PRKN: variants seen among roughly 807,000 people sequenced by gnomAD.
PRKN encodes the protein parkin RBR E3 ubiquitin protein ligase, also known as E3 ubiquitin-protein ligase parkin.
In PRKN, 56 loss-of-function variants were observed where a neutral mutation model predicts 59.5. The ratio of observed to expected loss-of-function variants is 0.94; its 90% CI spans 0.76 to 1.18. The LOEUF (loss-of-function observed/expected upper bound fraction) is 1.18, where lower values mean the gene tolerates loss of function less well. Ranked by LOEUF, PRKN falls within the 50% of genes most tolerant of loss-of-function variation. The probability of loss-of-function intolerance (pLI) is 0.00; values close to 1 mark genes in which losing one functional copy is unlikely to be tolerated. For synonymous variants in PRKN, 250 were observed against 222.1 expected, an observed-to-expected ratio of 1.13 and a Z score of -1.12; for missense variants, 657 against 596.4, an observed-to-expected ratio of 1.10 and a Z score of -1.06.
At chr6:162,215,399 T>C (rs1208031212) in intron 3 of PRKN, among the ~76,000 whole-genome samples, 1 of 152,164 alleles carries the variant, frequency 6.6e-6, no homozygotes, top group Non-Finnish European at 1.5e-5. Flanking sequence ...TTAATCTCTG[T>C]GACAATATAA....
At chr6:161,536,709 A>G (rs889612528) in intron 9 of PRKN, among the ~76,000 whole-genome samples, 1 of 152,198 alleles carries the variant, frequency 6.6e-6, no homozygotes, top group Admixed American at 6.5e-5. Flanking sequence ...CTGATTATAC[A>G]TCAGTGACGT....
chr6:162,350,002 TG>T (rs1340118016), intron 2 of PRKN, among the ~76,000 whole-genome samples: 1 of 152,214 alleles, frequency 6.6e-6, no homozygotes. Context: ...TTAGCCAAGT[TG>T]GAAGAGAATA....
At chr6:161,663,858 G>A (rs947184152) in intron 7 of PRKN, among the ~76,000 whole-genome samples, 2 of 152,194 alleles carry the variant, frequency 1.3e-5, no homozygotes, top group Non-Finnish European at 2.9e-5. Flanking sequence ...ACCACGAGGA[G>A]CAGCCGCCGG....
At chr6:162,207,533 T>A (rs138166807) in intron 3 of PRKN, among the ~76,000 whole-genome samples, 1 of 152,140 alleles carries the variant, frequency 6.6e-6, no homozygotes, top group East Asian at 1.9e-4. Context: ...GGAAAGGTCA[T>A]GCAGCCAACC....
intron 9 of PRKN, among the ~76,000 whole-genome samples, chr6:161,528,634 G>A (rs1050742450): frequency 1.1e-4 from 16 of 152,104 alleles, no homozygotes; most frequent in African/African-American, 3.1e-4. Context: ...TACTTTTAAC[G>A]TCTGATTGCT....
At chr6:161,715,936 A>G in intron 7 of PRKN, 1 of 428,702 alleles carries the variant, frequency 2.3e-6, no homozygotes, top group South Asian at 1.7e-5. Flanking sequence ...TTAGAAACTC[A>G]AATTATGATA....
chr6:162,274,369 A>G (rs1182380124), intron 2 of PRKN, among the ~76,000 whole-genome samples: 1 of 151,932 alleles, frequency 6.6e-6, no homozygotes, highest in Non-Finnish European at 1.5e-5. Flanking sequence ...TGTATATGCC[A>G]TACAGACAGG....
At chr6:162,648,628 C>T (rs1050787665) in intron 1 of PRKN, among the ~76,000 whole-genome samples, 2 of 152,028 alleles carry the variant, frequency 1.3e-5, no homozygotes, top group African/African-American at 2.4e-5. Flanking sequence ...GTGATCCACC[C>T]GCCTCAGCCT....
At chr6:161,746,392 G>T (rs1788414407) in intron 7 of PRKN, among the ~76,000 whole-genome samples, 1 of 151,768 alleles carries the variant, frequency 6.6e-6, no homozygotes, top group Non-Finnish European at 1.5e-5. Context: ...ATAAGTAGGG[G>T]CTAATTGGCT....
intron 7 of PRKN, among the ~76,000 whole-genome samples, chr6:161,577,860 C>T (rs1781192019): frequency 6.6e-6 from 1 of 152,120 alleles, no homozygotes; most frequent in Non-Finnish European, 1.5e-5. Flanking sequence ...AAGAATCAGT[C>T]TCATTGATAA....
In PRKN at chr6:161,484,938, C is replaced by A. The variant is rs1005803743; in HGVS notation, c.1083+63916G>T. On this transcript the variant is annotated intron_variant, in intron 9 of 11. Transcript: ENST00000366898. This position sits in a 1 kb window ranked among gnomAD's most constrained non-coding sequence, Gnocchi z 4.9. The stretch of plus-strand genomic sequence containing the variant: ...TGCTCCTAACCACCTGCCTTTGCTG[C>A]CGCCGGCTTCCCCCTGCTTCTTTGA... 6.6e-6 allele frequency among the ~76,000 whole-genome samples: 1 copy of A among 152,194 alleles called. No individual in the cohort carries two copies. The highest frequency in any genetic ancestry group is 2.4e-5 in the African/African-American group (1 of 41,440).
rs1423228859 is a variant in PRKN at position 161,470,486 on chromosome 6, C to T, written c.1083+78368G>A. 6.6e-6 allele frequency among the ~76,000 whole-genome samples: 1 copy of T among 152,170 alleles called. No homozygotes were observed. The highest frequency in any genetic ancestry group is 2.4e-5 in the African/African-American group (1 of 41,438). On this transcript the variant is annotated intron_variant, in intron 9 of 11. Transcript: ENST00000366898. The surrounding 1 kb of genome is among the most constrained non-coding windows in gnomAD (Gnocchi z 5.1). ...CTGAGAGCAGGACACTCTGGATTAC[C>T]TGAGAAGCACTCCCAGTCTAACCCT... is the stretch of plus-strand genomic sequence containing the variant.
At position 162,525,518 on chromosome 6, in the gene PRKN, T is replaced by C. The variant is rs893269501; in HGVS notation, c.8-82045A>G. ...CGTGGCCTCATCTAAAGTCAGAAAT[T>C]GGCTCCATCTCCTCGACTCCCTCCC... On this transcript the variant is annotated intron_variant, in intron 1 of 11. Coordinates refer to ENST00000366898, the MANE Select transcript of PRKN (RefSeq NM_004562.3). 2.0e-5 allele frequency among the ~76,000 whole-genome samples: 3 copies of C among 152,180 alleles called. No homozygotes were observed. The East Asian group carries it at 5.8e-4, about 29-fold the overall frequency.
intron 2 of PRKN, among the ~76,000 whole-genome samples, chr6:162,383,691 T>C (rs1483656120): frequency 6.6e-6 from 1 of 152,188 alleles, no homozygotes; most frequent in Non-Finnish European, 1.5e-5. Flanking sequence ...CTTGGAAGCT[T>C]TGAAGCCATG....
intron 1 of PRKN, among the ~76,000 whole-genome samples, chr6:162,687,849 T>C (rs866956735): frequency 1.3e-5 from 2 of 152,194 alleles, no homozygotes; most frequent in Non-Finnish European, 2.9e-5. Context: ...AAGGCAAGAC[T>C]GGCAATTTAC....
At chr6:162,713,053 A>T (rs563515577) in intron 1 of PRKN, among the ~76,000 whole-genome samples, 17 of 152,142 alleles carry the variant, frequency 1.1e-4, no homozygotes, top group Non-Finnish European at 2.4e-4. Flanking sequence ...GTGATTTGAG[A>T]TGTGAAAGAA....
intron 2 of PRKN, among the ~76,000 whole-genome samples, chr6:162,410,759 A>G (rs1326408253): frequency 6.6e-6 from 1 of 152,140 alleles, no homozygotes; most frequent in Non-Finnish European, 1.5e-5. Context: ...GATCTGCTCC[A>G]CTATCTTGGA....
chr6:162,112,127 C>A (rs973761628), intron 4 of PRKN, among the ~76,000 whole-genome samples: 2 of 152,178 alleles, frequency 1.3e-5, no homozygotes, highest in Non-Finnish European at 2.9e-5. Flanking sequence ...AGCACATTTC[C>A]ACACTGGAAC....
chr6:161,404,695 A>C (rs141271753), intron 9 of PRKN, among the ~76,000 whole-genome samples: 52 of 152,300 alleles, frequency 3.4e-4, no homozygotes, highest in African/African-American at 1.2e-3. Flanking sequence ...AAAATTTATC[A>C]TGGTGTATAT....
Sources: allele counts gnomAD v4.1 joint callset (sites outside exome capture counted in the v4.1 genomes callset), GRCh38; gene constraint gnomAD v4.1.1; non-coding constraint Gnocchi (gnomAD v3.1); transcripts MANE v1.5; gene names NCBI Gene and HGNC (gene_info 2026-07-23, HGNC 2026-07-21).